MKLN1: variants seen among roughly 807,000 people sequenced by gnomAD.
MKLN1 encodes the protein muskelin 1, also known as muskelin.
In MKLN1, 18 loss-of-function variants were observed where a neutral mutation model predicts 99.0. The observed-to-expected ratio is 0.18, with a 90% CI of 0.13 to 0.27. The LOEUF is 0.27. Among genes scored for constraint, MKLN1 ranks in the 10% least tolerant of loss-of-function variants. The pLI is 1.00. For missense variants in MKLN1, 621 were observed against 875.9 expected (o/e 0.71, Z 3.67); for synonymous variants, 288 against 293.2 (o/e 0.98, Z 0.18).
At chr7:131,343,470 A>G (rs958152823) in intron 1 of MKLN1, among the ~76,000 whole-genome samples, 2 of 152,122 alleles carry the variant, frequency 1.3e-5, no homozygotes, top group South Asian at 2.1e-4. Flanking sequence ...TAGTTACACT[A>G]TTGTATTTAT....
chr7:131,455,242 T>C (rs1200255489), intron 12 of MKLN1, among the ~76,000 whole-genome samples: 1 of 151,992 alleles, frequency 6.6e-6, no homozygotes, highest in African/African-American at 2.4e-5. Flanking sequence ...TTCGAAAATA[T>C]TTGTTAACTT....
At chr7:131,202,423 T>A (rs902668530) in intron 2 of MKLN1, among the ~76,000 whole-genome samples, 4 of 152,022 alleles carry the variant, frequency 2.6e-5, no homozygotes, top group African/African-American at 4.8e-5. Context: ...CCAAATTTTT[T>A]AATTGTTGTT....
intron 8 of MKLN1, among the ~76,000 whole-genome samples, chr7:131,425,982 C>T (rs559440744): frequency 6.6e-5 from 10 of 152,172 alleles, no homozygotes; most frequent in East Asian, 5.8e-4. Flanking sequence ...ATTTTTGTTA[C>T]GCATTTTCAT....
chr7:131,458,280 C>A (rs1158220380), intron 12 of MKLN1, among the ~76,000 whole-genome samples: 4 of 152,186 alleles, frequency 2.6e-5, no homozygotes, highest in Non-Finnish European at 4.4e-5. Flanking sequence ...ATAAAATATT[C>A]TCAGGCATAT....
intron 2 of MKLN1, among the ~76,000 whole-genome samples, chr7:131,193,014 T>C (rs1412791507): frequency 6.6e-6 from 1 of 152,176 alleles, no homozygotes; most frequent in African/African-American, 2.4e-5. Flanking sequence ...AGAATTAATT[T>C]GAGTATATAA....
intron 2 of MKLN1, among the ~76,000 whole-genome samples, chr7:131,187,456 AATCTG>A (rs912425287): frequency 1.3e-5 from 2 of 152,198 alleles, no homozygotes; most frequent in African/African-American, 4.8e-5. Context: ...CTGAGGGCCA[AATCTG>A]ATCCACCGCC....
intron 3 of MKLN1, among the ~76,000 whole-genome samples, chr7:131,387,861 A>G (rs1009816666): frequency 4.6e-5 from 7 of 152,138 alleles, no homozygotes; most frequent in African/African-American, 1.7e-4. Context: ...AAATGAAACC[A>G]TGGAGATTTA....
At chr7:131,452,103 A>C (rs1486259065) in intron 12 of MKLN1, among the ~76,000 whole-genome samples, 1 of 152,168 alleles carries the variant, frequency 6.6e-6, no homozygotes, top group East Asian at 1.9e-4. Flanking sequence ...TGTTTATTCC[A>C]TCCTGTTCTA....
intron 12 of MKLN1, 25 bp from the exon 13 acceptor site, chr7:131,463,192 T>C: frequency 2.6e-6 from 4 of 1,556,588 alleles, no homozygotes; most frequent in Non-Finnish European, 3.5e-6. Context: ...AATATTTTCA[T>C]CTTATTTTTT....
intron 1 of MKLN1, among the ~76,000 whole-genome samples, chr7:131,137,925 CTTTT>C (rs58860730): frequency 4.2e-4 from 50 of 118,738 alleles, no homozygotes; most frequent in East Asian, 2.4e-3. Flanking sequence ...TCTTTCTTTA[CTTTT>C]TTTTTTTTTT....
intron 8 of MKLN1, among the ~76,000 whole-genome samples, chr7:131,424,355 C>T (rs903670336): frequency 6.6e-6 from 1 of 151,518 alleles, no homozygotes; most frequent in South Asian, 2.1e-4. Context: ...TATGTCAATG[C>T]GTAGTATACA....
At chr7:131,350,715 T>G (rs1466546426) in intron 1 of MKLN1, among the ~76,000 whole-genome samples, 1 of 152,236 alleles carries the variant, frequency 6.6e-6, no homozygotes, top group African/African-American at 2.4e-5. Flanking sequence ...CACAGTTTTA[T>G]GTAGCCTAGG....
intron 12 of MKLN1, among the ~76,000 whole-genome samples, chr7:131,449,490 G>C (rs1796116535): frequency 6.6e-6 from 1 of 152,130 alleles, no homozygotes; most frequent in South Asian, 2.1e-4. Context: ...TTGTTCAAAG[G>C]CTTGTTTACT....
At chr7:131,124,332 G>C (rs1455721027) in intron 1 of MKLN1, among the ~76,000 whole-genome samples, 1 of 152,120 alleles carries the variant, frequency 6.6e-6, no homozygotes, top group East Asian at 1.9e-4. Flanking sequence ...GCAAACCTGG[G>C]GGCTGAACAC....
At chr7:131,460,681 G>T (rs1796489509) in intron 12 of MKLN1, among the ~76,000 whole-genome samples, 1 of 152,194 alleles carries the variant, frequency 6.6e-6, no homozygotes, top group African/African-American at 2.4e-5. Flanking sequence ...TGAGTTACAG[G>T]CTCTGGTAAT....
At chr7:131,202,317 A>C (rs951884213) in intron 2 of MKLN1, among the ~76,000 whole-genome samples, 2 of 151,800 alleles carry the variant, frequency 1.3e-5, no homozygotes, top group Non-Finnish European at 2.9e-5. Context: ...GGGTTTCACC[A>C]TGTTGGCCAG....
Position 131,489,266 on chromosome 7 carries a change from G to T in MKLN1, c.*1538G>T, listed in dbSNP as rs1327159538. ...GATGGATAGAAATATATTTTTGCTA[G>T]TTCTAGGCTTGAATCATGGGCTCCT... is the stretch of plus-strand genomic sequence containing the variant. On this transcript the variant is annotated 3_prime_UTR_variant, in exon 18 of 18. Transcript: ENST00000352689. 7 of 152,106 alleles carry T rather than the reference G, an allele frequency of 4.6e-5. No individual in the cohort carries two copies. Among genetic ancestry groups the T allele is most frequent in the African/African-American group, 1.2e-4 (5 of 41,442 alleles). 9.4% of individuals were successfully genotyped at this position (152,106 alleles called of 1,614,324 possible).
intron 11 of MKLN1, among the ~76,000 whole-genome samples, chr7:131,444,352 G>C (rs1795932073): frequency 6.6e-6 from 1 of 151,720 alleles, no homozygotes; most frequent in South Asian, 2.1e-4. Flanking sequence ...CCTGACCTCA[G>C]GTGATCCACC....
At chr7:131,461,838 A>G (rs1335614623) in intron 12 of MKLN1, among the ~76,000 whole-genome samples, 1 of 152,208 alleles carries the variant, frequency 6.6e-6, no homozygotes, top group Non-Finnish European at 1.5e-5. Flanking sequence ...ATATGAAATT[A>G]TATTTCAAAC....
Sources: gnomAD v4.1 joint callset for allele counts (sites outside exome capture counted in the v4.1 genomes callset) on GRCh38, gnomAD v4.1.1 for gene constraint, MANE v1.5 for transcripts, NCBI Gene and HGNC (gene_info 2026-07-23, HGNC 2026-07-21) for gene names.